Variants in DGKI observed in about 807,000 individuals in gnomAD.
DGKI encodes diacylglycerol kinase iota.
In DGKI, 55 loss-of-function variants were observed where a neutral mutation model predicts 147.5. The observed-to-expected ratio is 0.37, with a 90% CI of 0.30 to 0.47. DGKI has a LOEUF of 0.47. Ranked by LOEUF, DGKI falls within the 20% of genes least tolerant of loss-of-function variation. The probability of loss-of-function intolerance (pLI) is 1.00; values close to 1 mark genes in which losing one functional copy is unlikely to be tolerated. For missense variants in DGKI, 1,007 were observed against 1,323.8 expected, an observed-to-expected ratio of 0.76 and a Z score of 3.71; for synonymous variants, 469 against 477.1, an observed-to-expected ratio of 0.98 and a Z score of 0.22.
At chr7:137,599,964 G>T in intron 10 of DGKI, 59 bp from the exon 11 acceptor site, 1 of 1,358,042 alleles carries the variant, frequency 7.4e-7, no homozygotes, top group Non-Finnish European at 1.0e-6. Context: ...AAGAATAACT[G>T]CTCATTTAAA....
chr7:137,485,297 C>A, intron 23 of DGKI, 77 bp downstream of exon 23: 2 of 1,127,014 alleles, frequency 1.8e-6, no homozygotes, highest in Admixed American at 2.1e-5. Flanking sequence ...AACTCTAAAT[C>A]AAAATAAGAC....
At chr7:137,665,450 A>G (rs1250760998) in intron 3 of DGKI, among the ~76,000 whole-genome samples, 1 of 152,218 alleles carries the variant, frequency 6.6e-6, no homozygotes, top group Admixed American at 6.5e-5. Flanking sequence ...CTGGGCTGAC[A>G]GCATACCTGA....
chr7:137,620,614 T>A (rs2128997518), intron 7 of DGKI, among the ~76,000 whole-genome samples: 1 of 152,286 alleles, frequency 6.6e-6, no homozygotes, highest in South Asian at 2.1e-4. Flanking sequence ...ATGACCCTAT[T>A]ACTCTTGGCA....
chr7:137,599,291 C>T (rs1026751600), intron 11 of DGKI, among the ~76,000 whole-genome samples: 3 of 152,170 alleles, frequency 2.0e-5, no homozygotes, highest in African/African-American at 4.8e-5. Flanking sequence ...TTCTGAGAAG[C>T]TCAGAAACGG....
intron 21 of DGKI, chr7:137,493,790 T>C: frequency 1.4e-6 from 1 of 702,046 alleles, no homozygotes; most frequent in South Asian, 1.5e-5. Context: ...TACCTCCAAA[T>C]GACTGCACTA....
chr7:137,632,978 C>T (rs1230941476), intron 6 of DGKI, among the ~76,000 whole-genome samples: 1 of 151,872 alleles, frequency 6.6e-6, no homozygotes, highest in African/African-American at 2.4e-5. Context: ...TTTGGGAGGC[C>T]GAGGTGGGCA....
At chr7:137,527,082 T>A (rs1997033) in intron 20 of DGKI, among the ~76,000 whole-genome samples, 41,382 of 152,036 alleles carry the variant, frequency 0.27, 6,176 homozygotes, top group East Asian at 0.59. Context: ...TCAAAAAATT[T>A]AGTTCCAATC....
chr7:137,435,460 C>T (rs1528102), intron 28 of DGKI, among the ~76,000 whole-genome samples: 64,658 of 151,748 alleles, frequency 0.43, 14,368 homozygotes, highest in East Asian at 0.74. Context: ...TAGGAGGTGA[C>T]AGAAAGCTTA....
In DGKI at chr7:137,571,168, T is replaced by C; in HGVS notation, c.1947+7A>G. 1 of 1,580,604 alleles carries C rather than the reference T, an allele frequency of 6.3e-7. No homozygotes were observed. Among genetic ancestry groups the C allele is most frequent in the East Asian group, 2.3e-5 (1 of 44,368 alleles). ...TTTCATTTTAATAAAACAGTTATAT[T>C]GCTCACCAAAGAGGCCATGGTAAAT... is the stretch of plus-strand genomic sequence containing the variant. On this transcript the variant is annotated splice_region_variant and intron_variant, in intron 19 of 32. Transcript: ENST00000614521.
chr7:137,508,264 G>C lies in DGKI; in HGVS notation c.2248+13602C>G, dbSNP rs921088550. ...TTTTTTTGAGACGGAGTCTCACTCT[G>C]TTGCCCAGGCTGGAGTGCAGTGGCA... is the stretch of plus-strand genomic sequence containing the variant. On this transcript the variant is annotated intron_variant, in intron 21 of 32. Transcript: ENST00000614521. Among the ~76,000 whole-genome samples, 3 of 111,186 alleles carry C rather than the reference G, an allele frequency of 2.7e-5. 1 individual carries two copies. The highest frequency in any genetic ancestry group is 1.1e-4 in the African/African-American group (3 of 27,742). 72.9% of individuals were successfully genotyped at this position (111,186 alleles called of 152,430 possible).
intron 20 of DGKI, among the ~76,000 whole-genome samples, chr7:137,536,204 T>C (rs1449451358): frequency 6.6e-6 from 1 of 152,184 alleles, no homozygotes; most frequent in African/African-American, 2.4e-5. Flanking sequence ...CCTTAAATGC[T>C]ACGATGTCAA....
chr7:137,700,926 A>T (rs1823961199), intron 1 of DGKI, among the ~76,000 whole-genome samples: 1 of 150,112 alleles, frequency 6.7e-6, no homozygotes, highest in Non-Finnish European at 1.5e-5. Flanking sequence ...AATAAATAAA[A>T]TAAAGTGCCT....
chr7:137,700,855 G>A (rs2116509703), intron 1 of DGKI, among the ~76,000 whole-genome samples: 1 of 151,976 alleles, frequency 6.6e-6, no homozygotes, highest in South Asian at 2.1e-4. Flanking sequence ...TCCAGCCTGG[G>A]CGACAAGAGC....
At chr7:137,597,670 G>A (rs530740391) in intron 12 of DGKI, among the ~76,000 whole-genome samples, 177 bp downstream of exon 12, 25 of 152,280 alleles carry the variant, frequency 1.6e-4, no homozygotes, top group African/African-American at 5.8e-4. Context: ...GATCAAGTAT[G>A]TATTCATAAG....
intron 8 of DGKI, among the ~76,000 whole-genome samples, chr7:137,610,134 G>GA (rs900940316): frequency 2.6e-5 from 4 of 151,062 alleles, no homozygotes; most frequent in African/African-American, 9.7e-5. Context: ...GACCCTACTC[G>GA]AAATTTATGA....
At chr7:137,536,238 T>G (rs928116842) in intron 20 of DGKI, among the ~76,000 whole-genome samples, 1 of 152,152 alleles carries the variant, frequency 6.6e-6, no homozygotes, top group African/African-American at 2.4e-5. Flanking sequence ...TAGCATGCAA[T>G]CATAGGCAAG....
intron 1 of DGKI, among the ~76,000 whole-genome samples, chr7:137,823,037 G>A (rs1224163077): frequency 1.3e-5 from 2 of 151,186 alleles, no homozygotes; most frequent in Admixed American, 6.6e-5. Context: ...AAATTGGGGA[G>A]GAGGAAAATA....
At chr7:137,651,956 A>C (rs773895774) in intron 5 of DGKI, among the ~76,000 whole-genome samples, 1 of 152,224 alleles carries the variant, frequency 6.6e-6, no homozygotes, top group Non-Finnish European at 1.5e-5. Flanking sequence ...AAGCAATTTC[A>C]GTAAATGGGT....
intron 1 of DGKI, among the ~76,000 whole-genome samples, chr7:137,729,047 A>T (rs149486895): frequency 0.012 from 1,824 of 152,248 alleles, 21 homozygotes; most frequent in South Asian, 0.045. Context: ...GAGAAGATAA[A>T]AACTTAAAAC....
Sources: allele counts gnomAD v4.1 joint callset (sites outside exome capture counted in the v4.1 genomes callset), GRCh38; gene constraint gnomAD v4.1.1; transcripts MANE v1.5; gene names NCBI Gene and HGNC (gene_info 2026-07-23, HGNC 2026-07-21).